The following FMR1NB variants were observed in gnomAD, a reference collection of about 807,000 sequenced individuals.
The protein encoded by FMR1NB is FMR1 neighbor protein.
In FMR1NB, 10 loss-of-function variants were observed where a neutral mutation model predicts 16.8. The observed-to-expected ratio is 0.60, with a 90% CI of 0.37 to 1.01. The LOEUF is 1.01. Ranked by LOEUF, FMR1NB falls within the 50% of genes least tolerant of loss-of-function variation. FMR1NB has a pLI of 0.01. For missense variants in FMR1NB, 205 were observed against 204.8 expected (o/e 1.00, Z 0.00); for synonymous variants, 83 against 79.1 (o/e 1.05, Z -0.26).
chrX:147,999,330 C>T (rs1202993726), intron 1 of FMR1NB, among the ~76,000 whole-genome samples: 4 of 111,860 alleles, frequency 3.6e-5, no homozygotes, highest in Non-Finnish European at 7.5e-5. Flanking sequence ...AGCAAATTGA[C>T]GAAGGGGAAC....
intron 4 of FMR1NB, among the ~76,000 whole-genome samples, chrX:148,015,561 T>C (rs1234237142): frequency 8.9e-6 from 1 of 112,445 alleles, no homozygotes; most frequent in Non-Finnish European, 1.9e-5. Context: ...TCCTTCTTAA[T>C]CTCTTCATTG....
intron 1 of FMR1NB, among the ~76,000 whole-genome samples, chrX:148,001,566 A>G: frequency 9.1e-6 from 1 of 110,482 alleles, no homozygotes; most frequent in Non-Finnish European, 1.9e-5. Context: ...CCTGGGAAAC[A>G]TGGTGAAACC....
chrX:147,982,353 C>T (rs1267369365), intron 1 of FMR1NB, among the ~76,000 whole-genome samples: 11 of 108,629 alleles, frequency 1.0e-4, no homozygotes, highest in Middle Eastern at 4.9e-3. Context: ...TTTGGGAGGC[C>T]GAGGCGGGCG....
At chrX:147,988,614 C>T (rs1375832340) in intron 1 of FMR1NB, among the ~76,000 whole-genome samples, 1 of 111,603 alleles carries the variant, frequency 9.0e-6, no homozygotes, top group Non-Finnish European at 1.9e-5. Flanking sequence ...CAACTTTGTT[C>T]CATTCTCCCC....
At chrX:148,006,163 A>G (rs1235315910) in intron 2 of FMR1NB, among the ~76,000 whole-genome samples, 1 of 112,044 alleles carries the variant, frequency 8.9e-6, no homozygotes, top group Non-Finnish European at 1.9e-5. Flanking sequence ...GTTTAAAATT[A>G]TAGAGTCATA....
intron 3 of FMR1NB, 53 bp downstream of exon 3, chrX:148,006,895 T>C (rs2044599520): frequency 2.7e-6 from 3 of 1,109,089 alleles, no homozygotes; most frequent in African/African-American, 3.7e-5. Context: ...AATAAACAGA[T>C]CGCAGTGGCA....
At chrX:148,009,207 A>G (rs1237634513) in intron 4 of FMR1NB, among the ~76,000 whole-genome samples, 1 of 111,430 alleles carries the variant, frequency 9.0e-6, no homozygotes, top group Non-Finnish European at 1.9e-5. Context: ...AATGCGTGTT[A>G]TTTTATTTTT....
chrX:148,001,446 A>G (rs782652033), intron 1 of FMR1NB, among the ~76,000 whole-genome samples: 171 of 112,070 alleles, frequency 1.5e-3, no homozygotes, highest in Middle Eastern at 4.6e-3. Flanking sequence ...ATAAAATTTG[A>G]TAGTAGAGAC....
intron 2 of FMR1NB, 104 bp downstream of exon 2, chrX:148,003,424 G>C (rs1557188817): frequency 5.5e-6 from 5 of 916,635 alleles, no homozygotes; most frequent in African/African-American, 2.0e-5. Flanking sequence ...GAGTGGGACA[G>C]AGCTGAGTTT....
intron 4 of FMR1NB, among the ~76,000 whole-genome samples, chrX:148,012,687 T>G (rs1295167575): frequency 9.0e-6 from 1 of 111,667 alleles, no homozygotes; most frequent in Non-Finnish European, 1.9e-5. Context: ...GCTGCATGAT[T>G]CCCTGTATTA....
chrX:148,024,595 A>G (rs1475053081), intron 4 of FMR1NB, among the ~76,000 whole-genome samples: 1 of 111,884 alleles, frequency 8.9e-6, no homozygotes, highest in Non-Finnish European at 1.9e-5. Context: ...GGTAACATTG[A>G]TGTCAGCACA....
intron 1 of FMR1NB, among the ~76,000 whole-genome samples, chrX:147,995,114 G>C (rs1557188047): frequency 8.9e-6 from 1 of 112,044 alleles, no homozygotes; most frequent in East Asian, 2.8e-4. Context: ...AAGCCAAGGA[G>C]AGGCGTTTCC....
intron 4 of FMR1NB, among the ~76,000 whole-genome samples, chrX:148,011,366 A>G (rs2044623908): frequency 9.0e-6 from 1 of 111,623 alleles, no homozygotes; most frequent in South Asian, 3.7e-4. Flanking sequence ...CACCAGAGCC[A>G]TATGTACTTC....
chrX:148,002,116 ACATT>A (rs782057930), intron 1 of FMR1NB, among the ~76,000 whole-genome samples: 1 of 111,682 alleles, frequency 9.0e-6, no homozygotes, highest in East Asian at 2.8e-4. Flanking sequence ...ATTACATATA[ACATT>A]TTAAGCTTCT....
At chrX:148,012,316 T>C (rs1346844657) in intron 4 of FMR1NB, among the ~76,000 whole-genome samples, 1 of 112,240 alleles carries the variant, frequency 8.9e-6, no homozygotes, top group Non-Finnish European at 1.9e-5. Flanking sequence ...TCTGTGTGTA[T>C]ATGCCATTTA....
At chrX:147,992,517 A>AC (rs1203899220) in intron 1 of FMR1NB, among the ~76,000 whole-genome samples, 1 of 6,922 alleles carries the variant, frequency 1.4e-4, no homozygotes, top group African/African-American at 1.3e-3. Context: ...CGGGGGGCTG[A>AC]CCCCCCCCAC....
At chrX:148,016,273 G>C (rs1016149096) in intron 4 of FMR1NB, among the ~76,000 whole-genome samples, 1 of 92,184 alleles carries the variant, frequency 1.1e-5, no homozygotes, top group Non-Finnish European at 2.3e-5. Flanking sequence ...AGCTACTCCT[G>C]CTCTGTCTTG....
chrX:147,995,588 C>A (rs1401238848), intron 1 of FMR1NB, among the ~76,000 whole-genome samples: 3 of 112,090 alleles, frequency 2.7e-5, no homozygotes, highest in Admixed American at 1.9e-4. Context: ...AATCTGTAAC[C>A]TATTCAGTCA....
At chrX:147,995,784 A>G (rs2044538625) in intron 1 of FMR1NB, among the ~76,000 whole-genome samples, 1 of 112,669 alleles carries the variant, frequency 8.9e-6, no homozygotes, top group African/African-American at 3.2e-5. Flanking sequence ...ACACATAGAA[A>G]GTCTGGCTGC....
Sources: gnomAD v4.1 joint callset for allele counts (sites outside exome capture counted in the v4.1 genomes callset) on GRCh38, gnomAD v4.1.1 for gene constraint, MANE v1.5 for transcripts, NCBI Gene and HGNC (gene_info 2026-07-23, HGNC 2026-07-21) for gene names.